The following ASTN2 variants were observed in gnomAD, a reference collection of about 807,000 sequenced individuals.
ASTN2 encodes the protein astrotactin-2.
A neutral mutation model predicts 139.8 loss-of-function variants in ASTN2; 54 were observed. The observed-to-expected ratio is 0.39, with a 90% confidence interval of 0.31 to 0.48. The LOEUF (loss-of-function observed/expected upper bound fraction) is 0.48, where lower values mean the gene tolerates loss of function less well. Among genes scored for constraint, ASTN2 ranks in the 20% least tolerant of loss-of-function variants. ASTN2 has a pLI of 0.95. For missense variants in ASTN2, 1,565 were observed against 1,725.1 expected, an observed-to-expected ratio of 0.91 and a Z score of 1.64; for synonymous variants, 756 against 719.5, an observed-to-expected ratio of 1.05 and a Z score of -0.81.
chr9:117,240,364 G>A (rs895256684), intron 2 of ASTN2, among the ~76,000 whole-genome samples: 3 of 152,160 alleles, frequency 2.0e-5, no homozygotes, highest in African/African-American at 4.8e-5. Context: ...GGAAGGGAAC[G>A]AGGATGGTTG....
chr9:116,890,898 C>T (rs1048127011), intron 10 of ASTN2, among the ~76,000 whole-genome samples: 4 of 152,166 alleles, frequency 2.6e-5, no homozygotes, highest in African/African-American at 9.7e-5. Context: ...GGTGATTTTA[C>T]TCCTATGCTT....
At chr9:117,276,263 G>A (rs1317846172) in intron 2 of ASTN2, among the ~76,000 whole-genome samples, 1 of 152,208 alleles carries the variant, frequency 6.6e-6, no homozygotes, top group Non-Finnish European at 1.5e-5. Flanking sequence ...AGGCTCAGGA[G>A]AAGGCAAGTA....
At chr9:116,434,173 G>T (rs886329609) in intron 22 of ASTN2, among the ~76,000 whole-genome samples, 12 of 152,196 alleles carry the variant, frequency 7.9e-5, no homozygotes, top group Non-Finnish European at 1.5e-4. Context: ...TTTAATAACA[G>T]CCATTCAAGA....
At chr9:116,504,135 C>T (rs1029862553) in intron 19 of ASTN2, 1 of 152,168 alleles carries the variant, frequency 6.6e-6, no homozygotes, top group Admixed American at 6.6e-5. Context: ...ATTGGAAAAA[C>T]AATAGAAAAA....
chr9:116,547,833 T>C (rs1455605031), intron 19 of ASTN2, among the ~76,000 whole-genome samples: 1 of 152,146 alleles, frequency 6.6e-6, no homozygotes, highest in Non-Finnish European at 1.5e-5. Context: ...CCGGTTTACC[T>C]GAGCTGCCCC....
chr9:117,381,918 T>TA (rs1439574062), intron 1 of ASTN2, among the ~76,000 whole-genome samples: 3 of 152,084 alleles, frequency 2.0e-5, no homozygotes, highest in African/African-American at 7.2e-5. Context: ...CAAGAAAGTA[T>TA]ATGTAAATGA....
intron 17 of ASTN2, among the ~76,000 whole-genome samples, chr9:116,632,199 A>G (rs982010109): frequency 3.0e-4 from 4 of 13,290 alleles, no homozygotes; most frequent in East Asian, 5.6e-3. Flanking sequence ...AGAGAGAGAA[A>G]GAAAGAAAAG....
Position 116,651,587 on chromosome 9 carries a change from G to A in ASTN2, c.3013C>T (p.Leu1005=). ...KEQLSPTPVL[L]EINRVVPLYT... ...AGTGGCACCACACGGTTGATTTCCA[G>A]CAGCACTGGTGTGGGGCTCAGCTGC... Residue 1005 remains leucine (L), a synonymous_variant, in exon 17 of 23, where the codon CTG becomes TTG. Transcript: ENST00000313400. The A allele has an allele frequency of 1.2e-6, 2 of 1,614,178 alleles. No individual in the cohort carries two copies. The highest frequency in any genetic ancestry group is 8.5e-7 in the Non-Finnish European group (1 of 1,180,032).
At chr9:116,750,756 C>T (rs758198364) in intron 13 of ASTN2, among the ~76,000 whole-genome samples, 1 of 152,112 alleles carries the variant, frequency 6.6e-6, no homozygotes, top group Non-Finnish European at 1.5e-5. Context: ...CAGAACCTAG[C>T]TAGTGTGGAC....
intron 10 of ASTN2, among the ~76,000 whole-genome samples, chr9:116,913,624 G>A (rs991622494): frequency 1.3e-5 from 2 of 152,180 alleles, no homozygotes; most frequent in African/African-American, 4.8e-5. Flanking sequence ...CTTCACAGGT[G>A]CCAACTGTAT....
At chr9:117,175,123 C>G (rs1490390995) in intron 3 of ASTN2, among the ~76,000 whole-genome samples, 1 of 151,824 alleles carries the variant, frequency 6.6e-6, no homozygotes, top group Non-Finnish European at 1.5e-5. Flanking sequence ...TGGCTTCAAT[C>G]AAAGAAAAAC....
intron 19 of ASTN2, among the ~76,000 whole-genome samples, chr9:116,608,603 CA>C (rs953819297): frequency 6.9e-6 from 1 of 145,968 alleles, no homozygotes; most frequent in Non-Finnish European, 1.5e-5. Flanking sequence ...ATATTTTGAA[CA>C]AAAGAGTTTG....
intron 19 of ASTN2, among the ~76,000 whole-genome samples, chr9:116,605,418 G>C (rs1214955600): frequency 6.6e-6 from 1 of 151,972 alleles, no homozygotes; most frequent in East Asian, 1.9e-4. Flanking sequence ...AGAAGTTTCT[G>C]ATTTTTTTAA....
intron 3 of ASTN2, among the ~76,000 whole-genome samples, chr9:117,152,129 T>C (rs1830338783): frequency 6.6e-6 from 1 of 152,202 alleles, no homozygotes; most frequent in Admixed American, 6.5e-5. Context: ...CTTTTGGTAG[T>C]GCTAAAATTC....
intron 16 of ASTN2, among the ~76,000 whole-genome samples, chr9:116,705,041 C>T (rs964591378): frequency 6.6e-6 from 1 of 152,000 alleles, no homozygotes; most frequent in Non-Finnish European, 1.5e-5. Context: ...AATTTATTAA[C>T]TCAAATAATT....
chr9:116,974,364 T>C (rs1424465087), intron 10 of ASTN2, among the ~76,000 whole-genome samples: 1 of 152,138 alleles, frequency 6.6e-6, no homozygotes, highest in Non-Finnish European at 1.5e-5. Context: ...TGCACCATAA[T>C]GGGGCAGAAT....
chr9:117,264,254 A>G (rs906607627), intron 2 of ASTN2, among the ~76,000 whole-genome samples: 14 of 152,142 alleles, frequency 9.2e-5, no homozygotes, highest in Non-Finnish European at 4.4e-5. Flanking sequence ...GTCTTGATGT[A>G]CATAGAGATC....
In ASTN2 at chr9:116,676,560, G is replaced by T. The variant is rs372367065; in HGVS notation, c.2807-24767C>A. 3.9e-5 allele frequency among the ~76,000 whole-genome samples: 6 copies of T among 152,290 alleles called. No individual in the cohort carries two copies. The East Asian group carries it at 7.7e-4, about 20-fold the overall frequency. ...TAAGAGCTCAACCTTGTGACCATAT[G>T]GGGATACTTTCTTTTGGTTTGCACT... is the stretch of plus-strand genomic sequence containing the variant. On this transcript the variant is annotated intron_variant, in intron 16 of 22. Transcript: ENST00000313400.
chr9:117,083,352 C>A (rs961596305), intron 5 of ASTN2, among the ~76,000 whole-genome samples: 1 of 152,182 alleles, frequency 6.6e-6, no homozygotes, highest in Non-Finnish European at 1.5e-5. Flanking sequence ...TTAACCATCA[C>A]AAAAACCCTG....
Sources: allele counts gnomAD v4.1 joint callset (sites outside exome capture counted in the v4.1 genomes callset), GRCh38; gene constraint gnomAD v4.1.1; transcripts MANE v1.5; gene names NCBI Gene and HGNC (gene_info 2026-07-23, HGNC 2026-07-21).